PCDHA5: variants seen among roughly 807,000 people sequenced by gnomAD.
PCDHA5 encodes the protein protocadherin alpha 5, also known as protocadherin alpha-5.
A neutral mutation model predicts 61.6 loss-of-function variants in PCDHA5; 43 were observed. The ratio of observed to expected loss-of-function variants is 0.70; its 90% CI spans 0.55 to 0.90. The LOEUF (loss-of-function observed/expected upper bound fraction) is 0.90. Among genes scored for constraint, PCDHA5 ranks in the 40% least tolerant of loss-of-function variants. The pLI is 0.00. For synonymous variants in PCDHA5, 627 were observed against 543.9 expected (o/e 1.15, Z -2.13); for missense variants, 1,298 against 1,222.7 (o/e 1.06, Z -0.92).
At chr5:140,993,151 TC>T (rs2097543126) in intron 3 of PCDHA5, among the ~76,000 whole-genome samples, 1 of 152,246 alleles carries the variant, frequency 6.6e-6, no homozygotes, top group Admixed American at 6.5e-5. Flanking sequence ...ATAAATGGAT[TC>T]TAAATATTTG....
At chr5:140,979,179 G>T in intron 2 of PCDHA5, 172 bp downstream of exon 2, 1 of 936,772 alleles carries the variant, frequency 1.1e-6, no homozygotes, top group Middle Eastern at 5.5e-4. Flanking sequence ...ATCGCAAATG[G>T]TCAGTGCCAG....
At chr5:140,991,843 T>G (rs2097475576) in intron 3 of PCDHA5, among the ~76,000 whole-genome samples, 1 of 152,194 alleles carries the variant, frequency 6.6e-6, no homozygotes, top group Admixed American at 6.6e-5. Context: ...GAACCGCACT[T>G]CCAGATACCA....
At chr5:141,001,216 G>A (rs938133871) in intron 3 of PCDHA5, among the ~76,000 whole-genome samples, 3 of 152,082 alleles carry the variant, frequency 2.0e-5, no homozygotes, top group African/African-American at 7.2e-5. Context: ...GCTGTATAAG[G>A]ATAGTTACAT....
intron 1 of PCDHA5, among the ~76,000 whole-genome samples, chr5:140,958,528 G>T (rs961967514): frequency 4.6e-5 from 7 of 152,112 alleles, no homozygotes; most frequent in Non-Finnish European, 8.8e-5. Flanking sequence ...TATACTATGT[G>T]TACATTGATT....
At chr5:140,985,739 CTTTTTTTTTT>C (rs11372071) in intron 3 of PCDHA5, among the ~76,000 whole-genome samples, 1 of 117,922 alleles carries the variant, frequency 8.5e-6, no homozygotes, top group African/African-American at 3.2e-5. Context: ...TGATGAATTC[CTTTTTTTTTT>C]TTTTTTTTTT....
rs782205253 is a variant in PCDHA5, at chr5:140,927,557, T to C, written c.2353-51392T>C. 12 of 1,614,028 alleles carry C rather than the reference T, an allele frequency of 7.4e-6. No homozygotes were observed. In the East Asian group the frequency reaches 2.7e-4, roughly 36 times the overall value. On this transcript the variant is annotated intron_variant, in intron 1 of 3. Coordinates refer to ENST00000529859, the MANE Select transcript of PCDHA5 (RefSeq NM_018908.3). ...TCAGGAGACGCACAAGTCACCATCATTGTGGTGGACACAAATGACAACGCG... is the reference window on the plus strand; with the variant it reads ...TCAGGAGACGCACAAGTCACCATCACTGTGGTGGACACAAATGACAACGCG...
At chr5:140,880,173 C>T (rs2058257400) in intron 1 of PCDHA5, among the ~76,000 whole-genome samples, 1 of 152,006 alleles carries the variant, frequency 6.6e-6, no homozygotes, top group Non-Finnish European at 1.5e-5. Context: ...AGAAGTTAAA[C>T]ATGAAGGGAA....
rs1301631971 is a variant in PCDHA5, at chr5:141,011,367, C to G, written c.*1430C>G. ...CAATCTCCCATATGTATGCTGTATG[C>G]TATGCTAAGACTCCTGAAATATACT... On this transcript the variant is annotated 3_prime_UTR_variant, in exon 4 of 4. Transcript: ENST00000529859. The G allele has an allele frequency of 1.3e-5, 2 of 153,830 alleles. No homozygotes were observed. The highest frequency in any genetic ancestry group is 1.3e-4 in the Admixed American group (2 of 15,298). 9.5% of individuals were successfully genotyped at this position (153,830 alleles called of 1,614,324 possible). A position where few individuals can be genotyped will look rare whatever the true frequency, so the allele number is the denominator to read the frequency against.
chr5:140,959,471 C>T (rs910729465), intron 1 of PCDHA5, among the ~76,000 whole-genome samples: 3 of 151,970 alleles, frequency 2.0e-5, no homozygotes, highest in African/African-American at 7.3e-5. Context: ...TGGCATCAAT[C>T]AAGGCATATT....
chr5:140,935,995 C>G (rs1282709145), intron 1 of PCDHA5, among the ~76,000 whole-genome samples: 1 of 150,774 alleles, frequency 6.6e-6, no homozygotes, highest in African/African-American at 2.4e-5. Context: ...CGGGTTCAAG[C>G]GATTCTCCCA....
chr5:140,985,226 C>T (rs1319001576), intron 3 of PCDHA5, among the ~76,000 whole-genome samples: 6 of 152,126 alleles, frequency 3.9e-5, no homozygotes, highest in Admixed American at 6.5e-5. Flanking sequence ...CGTGAGCCAC[C>T]GCGCCTGGCC....
chr5:140,871,543 T>A (rs2053164172), intron 1 of PCDHA5: 2 of 1,503,536 alleles, frequency 1.3e-6, no homozygotes, highest in Non-Finnish European at 1.8e-6. Flanking sequence ...GTGAAATTAT[T>A]TAAAATCCAG....
intron 1 of PCDHA5, chr5:140,967,903 A>C: frequency 6.2e-7 from 1 of 1,614,112 alleles, no homozygotes; most frequent in Non-Finnish European, 8.5e-7. Flanking sequence ...AGAATGCTAC[A>C]CCCAACACCA....
intron 1 of PCDHA5, among the ~76,000 whole-genome samples, chr5:140,902,930 A>G (rs1252677303): frequency 1.3e-5 from 2 of 152,190 alleles, no homozygotes; most frequent in Non-Finnish European, 2.9e-5. Context: ...CATGGTGTAT[A>G]TATACCACAT....
intron 1 of PCDHA5, chr5:140,835,804 T>C (rs1344050034): frequency 6.2e-7 from 1 of 1,612,866 alleles, no homozygotes; most frequent in East Asian, 2.2e-5. Context: ...GGCTGCCACA[T>C]CTTCACTGTG....
intron 1 of PCDHA5, among the ~76,000 whole-genome samples, chr5:140,880,522 T>C (rs2058372712): frequency 6.6e-6 from 1 of 152,232 alleles, no homozygotes; most frequent in South Asian, 2.1e-4. Flanking sequence ...CATCTCTCAA[T>C]GTGTGAATCA....
At chr5:140,897,167 C>A (rs1271791310) in intron 1 of PCDHA5, among the ~76,000 whole-genome samples, 1 of 152,140 alleles carries the variant, frequency 6.6e-6, no homozygotes, top group Non-Finnish European at 1.5e-5. Flanking sequence ...TACTGTCTAT[C>A]TCCATGGGTT....
intron 1 of PCDHA5, among the ~76,000 whole-genome samples, chr5:140,925,394 C>T (rs782536310): frequency 1.3e-5 from 2 of 151,950 alleles, no homozygotes; most frequent in East Asian, 1.9e-4. Context: ...CCTTTTGGCT[C>T]GCCTCCTTCT....
At chr5:140,841,346 C>G (rs1777168943) in intron 1 of PCDHA5, 1 of 1,612,554 alleles carries the variant, frequency 6.2e-7, no homozygotes, top group Non-Finnish European at 8.5e-7. Context: ...GCGAGGAGAG[C>G]TGGGATCCTG....
Sources: gnomAD v4.1 joint callset for allele counts (sites outside exome capture counted in the v4.1 genomes callset) on GRCh38, gnomAD v4.1.1 for gene constraint, MANE v1.5 for transcripts, NCBI Gene and HGNC (gene_info 2026-07-23, HGNC 2026-07-21) for gene names.